TRIO: variants seen among roughly 807,000 people sequenced by gnomAD.
TRIO encodes the protein trio Rho guanine nucleotide exchange factor, also known as triple functional domain protein.
A neutral mutation model predicts 351.9 loss-of-function variants in TRIO; 58 were observed. That is an observed-to-expected ratio of 0.16 (90% CI 0.13 to 0.21). TRIO has a LOEUF of 0.21. TRIO is among the 10% of genes least tolerant of loss of function. TRIO has a pLI of 1.00. For missense variants in TRIO, 3,201 were observed against 4,027.8 expected (o/e 0.79, Z 5.56); for synonymous variants, 1,758 against 1,595.7 (o/e 1.10, Z -2.42).
At chr5:14,221,267 A>C (rs780450047) in intron 1 of TRIO, among the ~76,000 whole-genome samples, 3 of 152,080 alleles carry the variant, frequency 2.0e-5, no homozygotes, top group Non-Finnish European at 4.4e-5. Context: ...TTGACAATAC[A>C]CCTAGTCACC....
chr5:14,378,164 TC>T (rs1167679461), intron 20 of TRIO, 37 bp downstream of exon 20: 1 of 1,498,242 alleles, frequency 6.7e-7, no homozygotes, highest in South Asian at 1.2e-5. Flanking sequence ...CCCCCTAAAC[TC>T]CCGTGCTCAC....
rs150431198 is a variant in TRIO, at chr5:14,497,854, A to T, written c.8027A>T (p.Asn2676Ile). Residue 2676 changes from asparagine (N) to isoleucine (I), a missense_variant, in exon 51 of 57, where the codon AAT becomes ATT. Around this residue, in one of 19 missense-constraint regions of TRIO, gnomAD observed 1,089 missense variants for 954.9 expected, o/e 1.14. Coordinates refer to ENST00000344204, the MANE Select transcript of TRIO (RefSeq NM_007118.4). This position sits in a 1 kb window ranked among gnomAD's most constrained non-coding sequence, Gnocchi z 4.4. The part of the protein sequence containing the change: ...LSNKVSVKLL[N>I]PNYIYDVPPE... ...TTGCTGTTTCCATTTCAGCTTCTCA[A>T]TCCCAACTACATTTATGACGGTGAG... The T allele has an allele frequency of 6.2e-7, 1 of 1,614,044 alleles. No homozygotes were observed. The highest frequency in any genetic ancestry group is 8.5e-7 in the Non-Finnish European group (1 of 1,180,044).
At chr5:14,251,358 C>G (rs774677519) in intron 1 of TRIO, among the ~76,000 whole-genome samples, 19 of 152,194 alleles carry the variant, frequency 1.2e-4, no homozygotes, top group African/African-American at 4.6e-4. Flanking sequence ...TCAGCACTCA[C>G]GGGCAGCACG....
rs779369448 is a variant in TRIO, at chr5:14,297,182, G to A, written c.1287G>A (p.Glu429=). 1.3e-5 allele frequency: 21 copies of A among 1,614,250 alleles called. No individual in the cohort carries two copies. The East Asian group carries it at 3.8e-4, about 29-fold the overall frequency. ...AGATCGCGAGTCAGCTGGAGCAGGA[G>A]TGGAAGGCGTTTGCGGCAGCCCTGG... is the stretch of plus-strand genomic sequence containing the variant. ...IRQIASQLEQ[E]WKAFAAALDE... Residue 429 remains glutamate (E), a synonymous_variant, in exon 7 of 57, where the codon GAG becomes GAA. Coordinates refer to ENST00000344204, the MANE Select transcript of TRIO (RefSeq NM_007118.4).
At chr5:14,323,772 A>C (rs1561340818) in intron 9 of TRIO, among the ~76,000 whole-genome samples, 2 of 152,232 alleles carry the variant, frequency 1.3e-5, no homozygotes, top group African/African-American at 4.8e-5. Context: ...TGTGAGCTAG[A>C]CTAACACAGG....
chr5:14,480,236 C>T (rs991680775), intron 43 of TRIO, among the ~76,000 whole-genome samples: 2 of 152,086 alleles, frequency 1.3e-5, no homozygotes, highest in African/African-American at 2.4e-5. Context: ...AAATAAGACT[C>T]AGTGGGGGAA....
intron 1 of TRIO, among the ~76,000 whole-genome samples, chr5:14,191,150 T>C (rs566273323): frequency 6.2e-4 from 94 of 152,342 alleles, no homozygotes; most frequent in African/African-American, 2.2e-3. Flanking sequence ...GTCTGGTTCC[T>C]ACCTAGTGGG....
chr5:14,344,661 A>T (rs1742255964), intron 11 of TRIO, among the ~76,000 whole-genome samples: 1 of 152,210 alleles, frequency 6.6e-6, no homozygotes, highest in Non-Finnish European at 1.5e-5. Flanking sequence ...CAGACTTTAA[A>T]GTAAGGGGCA....
At chr5:14,422,337 C>T (rs2152391565) in intron 34 of TRIO, among the ~76,000 whole-genome samples, 1 of 152,300 alleles carries the variant, frequency 6.6e-6, no homozygotes, top group South Asian at 2.1e-4. Context: ...CTGCTCTGAC[C>T]TTCTAGGCAG....
chr5:14,380,728 C>T (rs1746029482), intron 20 of TRIO, among the ~76,000 whole-genome samples: 1 of 152,098 alleles, frequency 6.6e-6, no homozygotes, highest in Non-Finnish European at 1.5e-5. Flanking sequence ...GGTATATACC[C>T]AAAGAATTAT....
At chr5:14,175,447 G>A (rs1238191080) in intron 1 of TRIO, among the ~76,000 whole-genome samples, 1 of 151,166 alleles carries the variant, frequency 6.6e-6, no homozygotes, top group South Asian at 2.1e-4. Context: ...TCCATTTTTT[G>A]TTTGCTTTTT....
In TRIO at chr5:14,366,903, G is replaced by A. The variant is rs773217476; in HGVS notation, c.2798G>A (p.Gly933Glu). Residue 933 changes from glycine (G) to glutamate (E), a missense_variant, in exon 16 of 57, where the codon GGA (glycine) becomes GAA (glutamate). Physicochemically the swap from Gly to Glu is moderately conservative, Grantham distance 98 (BLOSUM62 -2). Coordinates refer to ENST00000344204, the MANE Select transcript of TRIO (RefSeq NM_007118.4). The stretch of plus-strand genomic sequence containing the variant: ...AACGGAGAGTCCATGTTAAATGCCG[G>A]ACTTATCACAGCCAGCTCGTTACAA... ...IRNGESMLNA[G>E]LITASSLQEA... The A allele has an allele frequency of 6.2e-7, 1 of 1,614,172 alleles. No homozygotes were observed. The highest frequency in any genetic ancestry group is 1.1e-5 in the South Asian group (1 of 91,086).
At chr5:14,176,469 CAAAA>C (rs565104346) in intron 1 of TRIO, among the ~76,000 whole-genome samples, 1 of 147,364 alleles carries the variant, frequency 6.8e-6, no homozygotes, top group Non-Finnish European at 1.5e-5. Flanking sequence ...GACTCTGTCT[CAAAA>C]AAAAAACAAC....
intron 27 of TRIO, among the ~76,000 whole-genome samples, chr5:14,392,681 G>T (rs1430050965): frequency 6.6e-6 from 1 of 152,182 alleles, no homozygotes; most frequent in African/African-American, 2.4e-5. Context: ...CAACCCAAAT[G>T]CCCATCAATG....
chr5:14,287,069 T>C lies in TRIO; in HGVS notation c.540+6T>C. ...GTTCTAAATTTGAATTTGAGGTAAC[T>C]TCCCCCGTGTGGCTAGACCCACTAA... On this transcript the variant is annotated splice_donor_region_variant and intron_variant, in intron 4 of 56. Coordinates refer to ENST00000344204, the MANE Select transcript of TRIO (RefSeq NM_007118.4). The C allele has an allele frequency of 6.2e-7, 1 of 1,613,612 alleles. No individual in the cohort carries two copies. Among genetic ancestry groups the C allele is most frequent in the Non-Finnish European group, 8.5e-7 (1 of 1,179,662 alleles).
At chr5:14,225,299 A>G (rs938722123) in intron 1 of TRIO, among the ~76,000 whole-genome samples, 2 of 152,236 alleles carry the variant, frequency 1.3e-5, no homozygotes, top group African/African-American at 4.8e-5. Context: ...GAACCCGAAA[A>G]TAATCTAGGT....
chr5:14,504,439 C>A lies in TRIO; in HGVS notation c.8458C>A (p.Arg2820=), dbSNP rs778203334. ...GAAATGTGATCAGAAAGGAACCAAG[C>A]GAGCAGTGGCCACTAAGTTTGTGAA... ...VKKCDQKGTK[R]AVATKFVNKK... Residue 2820 remains arginine, a synonymous_variant, in exon 55 of 57, where the codon CGA becomes AGA. Transcript: ENST00000344204. 3.7e-6 allele frequency: 6 copies of A among 1,614,032 alleles called. No homozygotes were observed. Among genetic ancestry groups the A allele is most frequent in the Non-Finnish European group, 5.1e-6 (6 of 1,180,028 alleles).
intron 1 of TRIO, among the ~76,000 whole-genome samples, chr5:14,242,881 A>G (rs1430469624): frequency 6.6e-6 from 1 of 152,232 alleles, no homozygotes; most frequent in Admixed American, 6.5e-5. Flanking sequence ...AGGATAAACC[A>G]GAAATGGGAA....
At chr5:14,375,578 G>C (rs570409469) in intron 19 of TRIO, among the ~76,000 whole-genome samples, 2 of 152,264 alleles carry the variant, frequency 1.3e-5, no homozygotes, top group East Asian at 3.9e-4. Flanking sequence ...ATTTATGCTC[G>C]AGTCAGTGCA....
Sources: gnomAD v4.1 joint callset for allele counts (sites outside exome capture counted in the v4.1 genomes callset) on GRCh38, gnomAD v4.1.1 for gene constraint, gnomAD v4.1.1 regional missense constraint, Gnocchi (gnomAD v3.1) non-coding constraint, MANE v1.5 for transcripts, NCBI Gene and HGNC (gene_info 2026-07-23, HGNC 2026-07-21) for gene names.